Variants in CSMD3 observed in about 807,000 individuals in gnomAD.
CSMD3 encodes the protein CUB and Sushi multiple domains 3.
In CSMD3, 177 loss-of-function variants were observed where a neutral mutation model predicts 435.2. The observed-to-expected ratio is 0.41, with a 90% CI of 0.36 to 0.46. CSMD3 has a LOEUF of 0.46. Ranked by LOEUF, CSMD3 falls within the 20% of genes least tolerant of loss-of-function variation. CSMD3 has a pLI of 0.34. For synonymous variants in CSMD3, 1,656 were observed against 1,520.5 expected, an observed-to-expected ratio of 1.09 and a Z score of -2.07; for missense variants, 4,265 against 4,504.6, an observed-to-expected ratio of 0.95 and a Z score of 1.52.
At chr8:113,281,071 C>T (rs189129544) in intron 2 of CSMD3, among the ~76,000 whole-genome samples, 133 of 151,728 alleles carry the variant, frequency 8.8e-4, no homozygotes, top group Admixed American at 2.4e-3. Context: ...CGTTTTTGGC[C>T]TATCATGTAG....
At chr8:113,289,665 T>A (rs1478085450) in intron 2 of CSMD3, among the ~76,000 whole-genome samples, 1 of 151,682 alleles carries the variant, frequency 6.6e-6, no homozygotes, top group Non-Finnish European at 1.5e-5. Context: ...CCCTGCCACC[T>A]TTTTTTGGTG....
At chr8:112,951,049 T>G (rs2130813265) in intron 8 of CSMD3, among the ~76,000 whole-genome samples, 1 of 152,024 alleles carries the variant, frequency 6.6e-6, no homozygotes, top group Non-Finnish European at 1.5e-5. Context: ...ATGAGAGAGC[T>G]TCTGTGTGGT....
intron 5 of CSMD3, among the ~76,000 whole-genome samples, chr8:113,042,143 T>C (rs1261293688): frequency 6.6e-6 from 1 of 152,212 alleles, no homozygotes; most frequent in Non-Finnish European, 1.5e-5. Flanking sequence ...TTTTTGTAAA[T>C]TTTTATGTCC....
intron 36 of CSMD3, among the ~76,000 whole-genome samples, chr8:112,387,776 AAC>A (rs1465294809): frequency 1.3e-5 from 2 of 152,182 alleles, no homozygotes; most frequent in East Asian, 3.8e-4. Flanking sequence ...AGTGATATAT[AAC>A]ACAGTTTTTC....
Position 113,411,097 on chromosome 8 carries a change from C to A in CSMD3, c.178+25580G>T, listed in dbSNP as rs184447703. 2.3e-4 allele frequency among the ~76,000 whole-genome samples: 35 copies of A among 151,756 alleles called. 1 individual carries two copies. The highest frequency in any genetic ancestry group is 6.3e-4 in the African/African-American group (26 of 41,410). ...GATGGAAGGAAGGAAGAGAGGGAGACCAAAATGCTGTGAAGGGGAAAGAAA... is the reference window on the plus strand; with the variant it reads ...GATGGAAGGAAGGAAGAGAGGGAGAACAAAATGCTGTGAAGGGGAAAGAAA... On this transcript the variant is annotated intron_variant, in intron 1 of 70. Coordinates refer to ENST00000297405, the MANE Select transcript of CSMD3 (RefSeq NM_198123.2).
chr8:112,325,574 G>A (rs1177781853), intron 45 of CSMD3, among the ~76,000 whole-genome samples: 1 of 152,086 alleles, frequency 6.6e-6, no homozygotes, highest in African/African-American at 2.4e-5. Context: ...CCAGTGTTCA[G>A]CACGTAGCAG....
At chr8:113,218,050 A>C (rs1199207152) in intron 3 of CSMD3, among the ~76,000 whole-genome samples, 1 of 150,960 alleles carries the variant, frequency 6.6e-6, no homozygotes, top group African/African-American at 2.4e-5. Context: ...TCAATATAGC[A>C]CTCTGAGTTC....
intron 8 of CSMD3, among the ~76,000 whole-genome samples, chr8:112,948,591 ATTT>A (rs2083695185): frequency 6.6e-6 from 1 of 152,026 alleles, no homozygotes; most frequent in Admixed American, 6.6e-5. Flanking sequence ...CCCAAGTTAG[ATTT>A]TTATTATTCA....
chr8:113,018,891 T>G, intron 6 of CSMD3, 176 bp downstream of exon 6: 1 of 622,074 alleles, frequency 1.6e-6, no homozygotes, highest in Non-Finnish European at 2.9e-6. Context: ...ATCAACTAAC[T>G]TTAATACTGT....
At chr8:113,283,402 C>T (rs1216158158) in intron 2 of CSMD3, among the ~76,000 whole-genome samples, 6 of 151,740 alleles carry the variant, frequency 4.0e-5, no homozygotes, top group Admixed American at 2.6e-4. Context: ...AGAAAAAATC[C>T]CATCAAAAAG....
At chr8:112,997,390 G>A (rs1266014511) in intron 6 of CSMD3, among the ~76,000 whole-genome samples, 2 of 151,420 alleles carry the variant, frequency 1.3e-5, no homozygotes, top group African/African-American at 4.8e-5. Flanking sequence ...AATTTATAAT[G>A]TACATTAATT....
At chr8:113,248,877 T>G (rs1173297899) in intron 3 of CSMD3, among the ~76,000 whole-genome samples, 1 of 151,980 alleles carries the variant, frequency 6.6e-6, no homozygotes, top group African/African-American at 2.4e-5. Flanking sequence ...TAACGGCGAT[T>G]GCTGAAACTG....
intron 3 of CSMD3, among the ~76,000 whole-genome samples, chr8:113,184,163 G>C (rs1170320595): frequency 6.6e-6 from 1 of 151,972 alleles, no homozygotes; most frequent in Non-Finnish European, 1.5e-5. Flanking sequence ...TACAGATGAA[G>C]AGATGCATAA....
intron 13 of CSMD3, among the ~76,000 whole-genome samples, chr8:112,743,556 T>C (rs187068992): frequency 6.6e-6 from 1 of 151,976 alleles, no homozygotes; most frequent in East Asian, 1.9e-4. Context: ...TGTATATGTA[T>C]ACAAAAACTT....
At chr8:113,421,304 C>T (rs2094607723) in intron 1 of CSMD3, among the ~76,000 whole-genome samples, 1 of 152,108 alleles carries the variant, frequency 6.6e-6, no homozygotes, top group South Asian at 2.1e-4. Flanking sequence ...AGTTTCTTTT[C>T]CTGCCCTGAA....
At chr8:113,264,570 T>C (rs1434957417) in intron 3 of CSMD3, among the ~76,000 whole-genome samples, 1 of 151,502 alleles carries the variant, frequency 6.6e-6, no homozygotes, top group Non-Finnish European at 1.5e-5. Flanking sequence ...AATTTTTCAT[T>C]CTCAGCTTGT....
chr8:113,165,806 T>C (rs972365531), intron 4 of CSMD3, among the ~76,000 whole-genome samples: 2 of 152,020 alleles, frequency 1.3e-5, no homozygotes, highest in African/African-American at 4.8e-5. Context: ...AGCTATTGCA[T>C]ACAAGATGAG....
chr8:112,393,602 A>C (rs565362933), intron 35 of CSMD3, among the ~76,000 whole-genome samples: 2 of 152,146 alleles, frequency 1.3e-5, no homozygotes, highest in South Asian at 4.1e-4. Flanking sequence ...TTGCATTATA[A>C]ATTTTCTTCC....
chr8:112,648,045 A>C (rs1411412388), intron 19 of CSMD3, among the ~76,000 whole-genome samples: 1 of 152,202 alleles, frequency 6.6e-6, no homozygotes, highest in Non-Finnish European at 1.5e-5. Flanking sequence ...AGACATCACA[A>C]AAGCTGATGT....
Sources: gnomAD v4.1 joint callset for allele counts (sites outside exome capture counted in the v4.1 genomes callset) on GRCh38, gnomAD v4.1.1 for gene constraint, MANE v1.5 for transcripts, NCBI Gene and HGNC (gene_info 2026-07-23, HGNC 2026-07-21) for gene names.